NBAS: variants seen among roughly 807,000 people sequenced by gnomAD.
NBAS encodes the protein NAG/BC035112 fusion.
In NBAS, 219 loss-of-function variants were observed where a neutral mutation model predicts 302.5. The observed-to-expected ratio is 0.72, with a 90% CI of 0.65 to 0.81. NBAS has a LOEUF of 0.81. NBAS is among the 30% of genes least tolerant of loss of function. The pLI is 0.00. For synonymous variants in NBAS, 1,118 were observed against 1,021.6 expected (o/e 1.09, Z -1.80); for missense variants, 2,932 against 2,841.6 (o/e 1.03, Z -0.72).
chr2:15,009,693 C>CATATAT, the NBAS span, among the ~76,000 whole-genome samples: 4,152 of 126,490 alleles, frequency 0.033, 113 homozygotes, highest in Non-Finnish European at 0.039. Flanking sequence ...TGTAGGAATG[C>CATATAT]ATATATATAT....
rs1339816196 is a variant in NBAS at position 15,558,583 on chromosome 2, G to A, written c.169C>T (p.Arg57Ter). The change falls in exon 2 of 52, where the codon CGA becomes TGA. Residue 57 changes from arginine to a stop codon, truncating the protein, a stop_gained. Coordinates refer to ENST00000281513, the MANE Select transcript of NBAS (RefSeq NM_015909.4). LOFTEE classifies it high-confidence loss of function. ...GASFIITKAI[R>*]DRLLFLRQYI... ...TAGAGAAATAAGCTATATTTACCTC[G>A]AATTGCTTTCGTGATGATAAAGGAT... The A allele has an allele frequency of 6.2e-6, 10 of 1,611,966 alleles. No homozygotes were observed. The highest frequency in any genetic ancestry group is 4.5e-5 in the East Asian group (2 of 44,844).
chr2:14,825,918 G>A, the NBAS span, among the ~76,000 whole-genome samples: 2 of 152,198 alleles, frequency 1.3e-5, no homozygotes, highest in Admixed American at 6.5e-5. Flanking sequence ...GCACGAAATC[G>A]ATGAGATACG....
chr2:15,231,356 G>C (rs1558458231), intron 47 of NBAS, among the ~76,000 whole-genome samples: 1 of 152,096 alleles, frequency 6.6e-6, no homozygotes, highest in African/African-American at 2.4e-5. Context: ...TCTATATTCT[G>C]TCACTCAAAC....
At chr2:14,791,290 C>T in the NBAS span, among the ~76,000 whole-genome samples, 1 of 152,312 alleles carries the variant, frequency 6.6e-6, no homozygotes, top group Non-Finnish European at 1.5e-5. Flanking sequence ...CACATCCGGC[C>T]TTCATGCCTT....
the NBAS span, among the ~76,000 whole-genome samples, chr2:15,144,501 C>A: frequency 6.6e-6 from 1 of 152,200 alleles, no homozygotes; most frequent in Non-Finnish European, 1.5e-5. Context: ...AACTTCTCTG[C>A]GTGAGGCACT....
the NBAS span, among the ~76,000 whole-genome samples, chr2:14,882,078 C>T: frequency 6.6e-6 from 1 of 152,100 alleles, no homozygotes; most frequent in South Asian, 2.1e-4. Flanking sequence ...TTACTCTCTC[C>T]ATTACCCTAG....
chr2:14,828,437 A>G, the NBAS span, among the ~76,000 whole-genome samples: 1 of 152,138 alleles, frequency 6.6e-6, no homozygotes, highest in East Asian at 1.9e-4. Context: ...CATGAGTGAC[A>G]TGGGTGGAAA....
At chr2:15,018,421 G>A in the NBAS span, among the ~76,000 whole-genome samples, 1 of 151,876 alleles carries the variant, frequency 6.6e-6, no homozygotes, top group East Asian at 1.9e-4. Context: ...ATTATTATAT[G>A]TCAATGGTTA....
At position 15,166,929 on chromosome 2, in the gene NBAS, G is replaced by A; in HGVS notation, c.*119C>T. 1.5e-6 allele frequency: 2 copies of A among 1,342,068 alleles called. No homozygotes were observed. Among genetic ancestry groups the A allele is most frequent in the Non-Finnish European group, 1.0e-6 (1 of 1,002,264 alleles). 83.1% of individuals were successfully genotyped at this position (1,342,068 alleles called of 1,614,324 possible). On this transcript the variant is annotated 3_prime_UTR_variant, in exon 52 of 52. Coordinates refer to ENST00000281513, the MANE Select transcript of NBAS (RefSeq NM_015909.4). ...GCAGCTTGCTCATCGTTTCCATACA[G>A]TTTTATTTGCAATTTGTTGGAACCA...
chr2:15,132,757 A>C, the NBAS span, among the ~76,000 whole-genome samples: 1 of 151,950 alleles, frequency 6.6e-6, no homozygotes, highest in East Asian at 1.9e-4. Context: ...AAAAAAGTCT[A>C]TTTTTAAAAG....
chr2:15,131,069 A>G, the NBAS span, among the ~76,000 whole-genome samples: 1 of 152,222 alleles, frequency 6.6e-6, no homozygotes, highest in Middle Eastern at 3.2e-3. Flanking sequence ...AGGGCTTTCA[A>G]GTAAGGACTC....
chr2:15,231,808 G>A (rs1286678191), intron 47 of NBAS, among the ~76,000 whole-genome samples: 1 of 152,130 alleles, frequency 6.6e-6, no homozygotes, highest in Non-Finnish European at 1.5e-5. Flanking sequence ...AAATTGGGGA[G>A]AGGACTTACA....
chr2:15,232,716 G>A (rs970672834), intron 46 of NBAS, among the ~76,000 whole-genome samples: 5 of 152,202 alleles, frequency 3.3e-5, no homozygotes, highest in African/African-American at 4.8e-5. Flanking sequence ...AAGGAGCTCA[G>A]TCTAATATAC....
the NBAS span, among the ~76,000 whole-genome samples, chr2:15,029,826 G>C: frequency 6.6e-6 from 1 of 152,186 alleles, no homozygotes; most frequent in East Asian, 1.9e-4. Flanking sequence ...GCATTGTCTG[G>C]TGCCCTTCCC....
the NBAS span, among the ~76,000 whole-genome samples, chr2:14,847,308 A>T: frequency 1.4e-5 from 2 of 147,650 alleles, no homozygotes; most frequent in African/African-American, 2.5e-5. Context: ...GCATGAACCC[A>T]GGAGGCGGAG....
intron 30 of NBAS, 98 bp downstream of exon 30, chr2:15,379,504 C>T (rs2148372800): frequency 8.2e-7 from 1 of 1,221,880 alleles, no homozygotes; most frequent in Non-Finnish European, 1.2e-6. Flanking sequence ...TCAATCTGTA[C>T]CTGTGATAAT....
the NBAS span, among the ~76,000 whole-genome samples, chr2:14,804,981 T>C: frequency 6.6e-6 from 1 of 152,226 alleles, no homozygotes; most frequent in Non-Finnish European, 1.5e-5. Context: ...TTGGGTTCTT[T>C]TGCCTGAAAC....
At chr2:15,020,069 T>G in the NBAS span, among the ~76,000 whole-genome samples, 2 of 152,108 alleles carry the variant, frequency 1.3e-5, no homozygotes, top group Non-Finnish European at 2.9e-5. Flanking sequence ...CAGCTACTAT[T>G]TTGGAACTGG....
At chr2:14,888,037 C>T in the NBAS span, among the ~76,000 whole-genome samples, 2 of 152,078 alleles carry the variant, frequency 1.3e-5, no homozygotes, top group Admixed American at 1.3e-4. Context: ...CTGAGCTCCC[C>T]AAGACAAGTG....
Sources: allele counts gnomAD v4.1 joint callset (sites outside exome capture counted in the v4.1 genomes callset), GRCh38; gene constraint gnomAD v4.1.1; transcripts MANE v1.5; gene names NCBI Gene and HGNC (gene_info 2026-07-23, HGNC 2026-07-21).